C12orf56: variants seen among roughly 807,000 people sequenced by gnomAD.
The protein encoded by C12orf56 is uncharacterized protein C12orf56.
Under a neutral mutation model 69.9 loss-of-function variants are expected in C12orf56, and 71 were observed. The ratio of observed to expected loss-of-function variants is 1.02; its 90% CI spans 0.84 to 1.24. The LOEUF (loss-of-function observed/expected upper bound fraction) is 1.24. C12orf56 is among the 50% of genes most tolerant of loss of function. The pLI, the probability that C12orf56 is intolerant of heterozygous loss-of-function variation, is 0.00. For synonymous variants in C12orf56, 276 were observed against 274.1 expected (o/e 1.01, Z -0.07); for missense variants, 732 against 738.5 (o/e 0.99, Z 0.10).
At chr12:64,357,903 A>AAAAAAGAAAAAG (rs373162011) in intron 1 of C12orf56, among the ~76,000 whole-genome samples, 7 of 150,444 alleles carry the variant, frequency 4.7e-5, no homozygotes, top group African/African-American at 1.7e-4. Flanking sequence ...CCATCTCAAA[A>AAAAAAGAAAAAG]AAAAAGAAAA....
chr12:64,383,269 G>A (rs1176743477), intron 1 of C12orf56, among the ~76,000 whole-genome samples: 1 of 151,372 alleles, frequency 6.6e-6, no homozygotes, highest in Non-Finnish European at 1.5e-5. Flanking sequence ...GTGAGCAGAG[G>A]TGTCACCAGT....
At chr12:64,319,904 C>T (rs773401576) in intron 3 of C12orf56, among the ~76,000 whole-genome samples, 1 of 152,168 alleles carries the variant, frequency 6.6e-6, no homozygotes, top group African/African-American at 2.4e-5. Context: ...TTAAATCTTG[C>T]AACTGCACTG....
chr12:64,365,861 A>G (rs1429052632), intron 1 of C12orf56, among the ~76,000 whole-genome samples: 3 of 137,584 alleles, frequency 2.2e-5, no homozygotes, highest in Non-Finnish European at 4.6e-5. Context: ...TATTATATAT[A>G]GTGTATATAT....
chr12:64,371,622 G>C (rs2039571307), intron 1 of C12orf56, among the ~76,000 whole-genome samples: 1 of 152,038 alleles, frequency 6.6e-6, no homozygotes, highest in African/African-American at 2.4e-5. Flanking sequence ...TCTGAGGTCA[G>C]GAGTTTGAGA....
chr12:64,351,992 A>G (rs1368397896), intron 2 of C12orf56, among the ~76,000 whole-genome samples: 1 of 152,162 alleles, frequency 6.6e-6, no homozygotes, highest in Non-Finnish European at 1.5e-5. Flanking sequence ...GGAAAAGTTA[A>G]TTTCCCAAAC....
chr12:64,268,550 G>A (rs1372430567), intron 12 of C12orf56, among the ~76,000 whole-genome samples: 2 of 152,162 alleles, frequency 1.3e-5, no homozygotes, highest in African/African-American at 2.4e-5. Flanking sequence ...GGGGTTAGGA[G>A]GAGGAGAATA....
rs2037925474 is a variant in C12orf56 at position 64,266,978 on chromosome 12, C to T, written c.*205G>A. 6.2e-6 allele frequency: 3 copies of T among 480,436 alleles called. No homozygotes were observed. The highest frequency in any genetic ancestry group is 3.7e-5 in the South Asian group (1 of 27,154). The allele number at this position is 480,436 out of a possible 1,614,324, so 29.8% of individuals were successfully genotyped here. A position where few individuals can be genotyped will look rare whatever the true frequency, so the allele number is the denominator to read the frequency against. On this transcript the variant is annotated 3_prime_UTR_variant, in exon 13 of 13. Transcript: ENST00000543942. Reference sequence around the variant, plus strand: ...TTGCCCAATGGCATAAAGATCTTTGCACACTTATAATAAATCAAATTTATT... The same window carrying T: ...TTGCCCAATGGCATAAAGATCTTTGTACACTTATAATAAATCAAATTTATT...
intron 1 of C12orf56, among the ~76,000 whole-genome samples, chr12:64,383,440 G>A (rs1241893079): frequency 3.9e-5 from 6 of 151,970 alleles, no homozygotes; most frequent in African/African-American, 7.3e-5. Flanking sequence ...GCAGTGGCGC[G>A]ATCTTGGCTC....
intron 2 of C12orf56, among the ~76,000 whole-genome samples, chr12:64,335,973 T>A (rs1168123458): frequency 6.6e-6 from 1 of 152,134 alleles, no homozygotes; most frequent in Non-Finnish European, 1.5e-5. Flanking sequence ...ACACATGACA[T>A]CATCATTATT....
intron 6 of C12orf56, among the ~76,000 whole-genome samples, chr12:64,302,654 C>A (rs999322723): frequency 3.9e-5 from 6 of 152,140 alleles, no homozygotes; most frequent in African/African-American, 1.4e-4. Context: ...ATTAGCACCA[C>A]ACCAGGTCAC....
intron 1 of C12orf56, among the ~76,000 whole-genome samples, chr12:64,370,537 GC>G (rs755325886): frequency 1.1e-4 from 17 of 151,822 alleles, no homozygotes; most frequent in Non-Finnish European, 2.1e-4. Context: ...TGTAGTCCCA[GC>G]TACTTGGGAG....
In C12orf56 at chr12:64,277,689, A is replaced by G. The variant is rs747685262; in HGVS notation, c.1425T>C (p.Phe475=). ...CAAATTCTCATCTCACCTCAGCGTCAAAAGACATTCTGACTAAAGCTGAAT... is the reference window on the plus strand; with the variant it reads ...CAAATTCTCATCTCACCTCAGCGTCGAAAGACATTCTGACTAAAGCTGAAT... ...VADSALVRMS[F]DAELQKLILE... Residue 475 remains phenylalanine (F), a synonymous_variant, in exon 9 of 13, where the codon TTT becomes TTC. Transcript: ENST00000543942. 6.4e-7 allele frequency: 1 copy of G among 1,563,330 alleles called. No individual in the cohort carries two copies. Among genetic ancestry groups the G allele is most frequent in the Non-Finnish European group, 8.7e-7 (1 of 1,152,704 alleles).
rs1565777761 is a variant in C12orf56, at chr12:64,367,213, C to CAGATTATATATTATATATAAT, written c.253-14158_253-14157insATTATATATAATATATAATCT. 1.4e-4 allele frequency among the ~76,000 whole-genome samples: 2 copies of CAGATTATATATTATATATAAT among 14,118 alleles called. 1 individual carries two copies. Among genetic ancestry groups the CAGATTATATATTATATATAAT allele is most frequent in the Middle Eastern group, 0.25 (2 of 8 alleles). 9.3% of individuals were successfully genotyped at this position (14,118 alleles called of 152,430 possible). A position where few individuals can be genotyped will look rare whatever the true frequency, so the allele number is the denominator to read the frequency against. On this transcript the variant is annotated intron_variant, in intron 1 of 12. Coordinates refer to ENST00000543942, the MANE Select transcript of C12orf56 (RefSeq NM_001170633.2). Reference sequence around the variant, plus strand: ...CATACAGTTTATATATTATATATAACATACAGTTTATATATTATATGTAAT... The same window carrying CAGATTATATATTATATATAAT: ...CATACAGTTTATATATTATATATAACAGATTATATATTATATATAATATACAGTTTATATATTATATGTAAT...
chr12:64,308,129 G>A (rs2038540519), intron 5 of C12orf56, among the ~76,000 whole-genome samples: 1 of 151,862 alleles, frequency 6.6e-6, no homozygotes, highest in African/African-American at 2.4e-5. Flanking sequence ...GACCAGCCTG[G>A]GCAACATGGC....
chr12:64,310,690 T>C (rs1182732764), intron 5 of C12orf56, among the ~76,000 whole-genome samples: 1 of 151,350 alleles, frequency 6.6e-6, no homozygotes, highest in Admixed American at 6.6e-5. Context: ...GTTTCAGTCA[T>C]CTCATTTCTT....
intron 1 of C12orf56, among the ~76,000 whole-genome samples, chr12:64,358,318 C>T (rs541178966): frequency 4.0e-5 from 6 of 151,190 alleles, no homozygotes; most frequent in South Asian, 2.1e-4. Context: ...ATTAGCCAGG[C>T]GTGATGGCAT....
chr12:64,366,119 C>T (rs1390755343), intron 1 of C12orf56, among the ~76,000 whole-genome samples: 6 of 113,222 alleles, frequency 5.3e-5, no homozygotes, highest in South Asian at 5.6e-4. Context: ...TAATATATAG[C>T]TTGTATAATA....
chr12:64,276,655 T>A (rs540778533), intron 9 of C12orf56, among the ~76,000 whole-genome samples: 1 of 152,304 alleles, frequency 6.6e-6, no homozygotes, highest in East Asian at 1.9e-4. Flanking sequence ...GTTTTGACCC[T>A]ACTGCCTAGC....
At chr12:64,354,817 G>A (rs1383538936) in intron 1 of C12orf56, among the ~76,000 whole-genome samples, 10 of 146,432 alleles carry the variant, frequency 6.8e-5, no homozygotes, top group Admixed American at 4.0e-4. Flanking sequence ...GGTGGCTCAC[G>A]CCTGTAATCC....
Sources: gnomAD v4.1 joint callset for allele counts (sites outside exome capture counted in the v4.1 genomes callset) on GRCh38, gnomAD v4.1.1 for gene constraint, MANE v1.5 for transcripts, NCBI Gene and HGNC (gene_info 2026-07-23, HGNC 2026-07-21) for gene names.